Variants in CD63 observed in about 807,000 individuals in gnomAD.
CD63 encodes the protein CD63 antigen.
In CD63, 16 loss-of-function variants were observed where a neutral mutation model predicts 29.2. The observed-to-expected ratio is 0.55, with a 90% confidence interval of 0.37 to 0.83. CD63 has a LOEUF of 0.83. Ranked by LOEUF, CD63 falls within the 40% of genes least tolerant of loss-of-function variation. The pLI, the probability that CD63 is intolerant of heterozygous loss-of-function variation, is 0.00. For missense variants in CD63, 251 were observed against 297.3 expected, an observed-to-expected ratio of 0.84 and a Z score of 1.15; for synonymous variants, 118 against 111.7, an observed-to-expected ratio of 1.06 and a Z score of -0.36.
In CD63 at chr12:55,725,551, G is replaced by C. The variant is rs1225141989; in HGVS notation, c.*10C>G. 3 of 1,610,372 alleles carry C rather than the reference G, an allele frequency of 1.9e-6. No individual in the cohort carries two copies. Among genetic ancestry groups the C allele is most frequent in the Admixed American group, 3.3e-5 (2 of 60,014 alleles). On this transcript the variant is annotated 3_prime_UTR_variant, in exon 8 of 8. Coordinates refer to ENST00000257857, the MANE Select transcript of CD63 (RefSeq NM_001780.6). The stretch of plus-strand genomic sequence containing the variant: ...CTCCCCCAGATGAGGAGGCTGAGGA[G>C]ACCAGACCCCTACATCACCTCGTAG...
chr12:55,724,898 GT>G (rs1386020644), downstream of CD63, among the ~76,000 whole-genome samples: 1 of 152,282 alleles, frequency 6.6e-6, no homozygotes, highest in Non-Finnish European at 1.5e-5. Flanking sequence ...GGGGAGTAAG[GT>G]TGCAATTCAG....
intron 5 of CD63, 73 bp from the exon 6 acceptor site, chr12:55,726,334 C>CTTTTTTTTTTTTTTTTTTTTTTTTTT (rs777731653): frequency 4.5e-6 from 1 of 223,206 alleles, no homozygotes; most frequent in Non-Finnish European, 7.8e-6. Context: ...GATGAGAATT[C>CTTTTTTTTTTTTTTTTTTTTTTTTTT]TTTTTTTTTT....
chr12:55,723,916 C>G (rs13193), downstream of CD63: 84,468 of 1,613,962 alleles, frequency 0.052, 6,787 homozygotes, highest in African/African-American at 0.34. Flanking sequence ...GGATACGAGT[C>G]TCCATCGTGG....
chr12:55,726,602 T>C (rs1227030855), intron 5 of CD63, 98 bp downstream of exon 5: 12 of 992,040 alleles, frequency 1.2e-5, no homozygotes, highest in Non-Finnish European at 3.2e-6. Context: ...ACCTCGGCCT[T>C]CAAAAGTGCT....
At chr12:55,727,929 A>G (rs1380723130) in intron 2 of CD63, 9 of 1,165,600 alleles carry the variant, frequency 7.7e-6, no homozygotes, top group Admixed American at 4.3e-5. Flanking sequence ...TTGGGGAGGG[A>G]GAGAGGGGAG....
At position 55,725,527 on chromosome 12, in the gene CD63, T is replaced by G. The variant is rs1592527120; in HGVS notation, c.*34A>C. On this transcript the variant is annotated 3_prime_UTR_variant, in exon 8 of 8. Coordinates refer to ENST00000257857, the MANE Select transcript of CD63 (RefSeq NM_001780.6). ...AAAAACCTGGAGGATACTATTCCAC[T>G]CCCCCAGATGAGGAGGCTGAGGAGA... The G allele has an allele frequency of 2.0e-6, 3 of 1,534,708 alleles. No individual in the cohort carries two copies. Among genetic ancestry groups the G allele is most frequent in the South Asian group, 2.2e-5 (2 of 89,486 alleles).
Position 55,728,481 on chromosome 12 carries a change from G to A in CD63, c.-11-129C>T. ...CCCGGCCCCTCCCACCCGGAAACCC[G>A]CGGTCGGATCCACGTCTCCCAGCCC... On this transcript the variant is annotated intron_variant, in intron 1 of 7. Transcript: ENST00000257857. The surrounding 1 kb of genome is among the most constrained non-coding windows in gnomAD (Gnocchi z 4.8). 6.8e-7 allele frequency: 1 copy of A among 1,481,254 alleles called. No homozygotes were observed. Among genetic ancestry groups the A allele is most frequent in the Non-Finnish European group, 9.0e-7 (1 of 1,115,332 alleles). 91.8% of individuals were successfully genotyped at this position (1,481,254 alleles called of 1,614,324 possible).
chr12:55,725,857 C>T lies in CD63; in HGVS notation c.607G>A (p.Val203Met), dbSNP rs2136146809. 1.2e-6 allele frequency: 2 copies of T among 1,614,156 alleles called. No homozygotes were observed. Among genetic ancestry groups the T allele is most frequent in the South Asian group, 2.2e-5 (2 of 91,082 alleles). The change falls in exon 7 of 8, where the codon GTG becomes ATG. Residue 203 changes from valine to methionine, a missense_variant. Transcript: ENST00000257857. ...AGGGCTGCTGCAGCTACCACCAGCA[C>T]ATTTTTCCTCAGCCAGCCCCCAATC... ...EKIGGWLRKN[V>M]LVVAAAALGI...
upstream of CD63, chr12:55,730,019 A>G (rs2136158207): frequency 6.5e-6 from 1 of 152,712 alleles, no homozygotes. Context: ...TCACACCCCC[A>G]CACCTCCAGC....
In CD63 at chr12:55,728,758, CA is replaced by C. The variant is rs547401184; in HGVS notation, c.-12+194del. The C allele has an allele frequency of 0.11, 81,062 of 771,350 alleles. No individual in the cohort carries two copies. The highest frequency in any genetic ancestry group is 0.12 in the Non-Finnish European group (73,837 of 640,034). The allele number at this position is 771,350 out of a possible 1,614,324, so 47.8% of individuals were successfully genotyped here. ...CCTGGGCTCTGACCTCCCCGCCCAC[CA>C]AAAAAAAAAAAAGTGCAGCCAGCAC... On this transcript the variant is annotated intron_variant, in intron 1 of 7. Coordinates refer to ENST00000257857, the MANE Select transcript of CD63 (RefSeq NM_001780.6). The surrounding 1 kb of genome is among the most constrained non-coding windows in gnomAD (Gnocchi z 4.8).
Position 55,726,693 on chromosome 12 carries a change from C to G in CD63, c.426+7G>C. 2 of 1,609,952 alleles carry G rather than the reference C, an allele frequency of 1.2e-6. No individual in the cohort carries two copies. The highest frequency in any genetic ancestry group is 1.1e-5 in the South Asian group (1 of 90,984). ...CCACCACCCCTGCTCCCAGCAACCC[C>G]ACTCACATCTGCCTGCATCCTGTCC... On this transcript the variant is annotated splice_region_variant and intron_variant, in intron 5 of 7. Transcript: ENST00000257857.
downstream of CD63, chr12:55,723,977 A>C (rs1259253511): frequency 1.2e-6 from 2 of 1,613,828 alleles, no homozygotes; most frequent in East Asian, 2.2e-5. Context: ...TCTGGAGAAA[A>C]CCCTGCAGGC....
chr12:55,729,174 C>A (rs1592535316), upstream of CD63: 1 of 977,364 alleles, frequency 1.0e-6, no homozygotes, highest in South Asian at 4.7e-5. Flanking sequence ...GCCCCCCGCC[C>A]GGCCAGGGCC....
At chr12:55,726,430 C>T (rs1476883523) in intron 5 of CD63, 169 bp from the exon 6 acceptor site, 3 of 677,986 alleles carry the variant, frequency 4.4e-6, no homozygotes, top group East Asian at 2.7e-5. Context: ...CTGCAACCTC[C>T]GCCTCCCGGG....
chr12:55,726,018 G>C, intron 6 of CD63, 103 bp downstream of exon 6: 1 of 1,475,022 alleles, frequency 6.8e-7, no homozygotes, highest in Non-Finnish European at 9.4e-7. Context: ...AGCATTTCCA[G>C]ATCCCCTCCC....
Position 55,727,305 on chromosome 12 carries a change from C to G in CD63, c.101G>C (p.Gly34Ala). The change falls in exon 3 of 8, where the codon GGG becomes GCG. Residue 34 changes from glycine (G) to alanine (A), a missense_variant. Transcript: ENST00000257857. ...CAVGLIAVGV[G>A]AQLVLSQTII... ...GGTCTGACTCAGGACAAGCTGTGCC[C>G]CGACACCCACGGCAATCAGTCCCAC... The G allele has an allele frequency of 1.2e-6, 2 of 1,613,748 alleles. No individual in the cohort carries two copies. The highest frequency in any genetic ancestry group is 1.7e-6 in the Non-Finnish European group (2 of 1,179,966).
chr12:55,725,420 A>G lies in CD63; in HGVS notation c.*141T>C. 1.4e-6 allele frequency: 1 copy of G among 729,546 alleles called. No homozygotes were observed. Among genetic ancestry groups the G allele is most frequent in the Admixed American group, 2.1e-5 (1 of 46,826 alleles). The allele number at this position is 729,546 out of a possible 1,614,324, so 45.2% of individuals were successfully genotyped here. A position where few individuals can be genotyped will look rare whatever the true frequency, so the allele number is the denominator to read the frequency against. On this transcript the variant is annotated 3_prime_UTR_variant, in exon 8 of 8. Coordinates refer to ENST00000257857, the MANE Select transcript of CD63 (RefSeq NM_001780.6). ...GTCCCAGAGGACAGGGAACATCAGT[A>G]AGGAAAGGAAGGAATCAAGCATCAC...
downstream of CD63, chr12:55,724,208 T>A (rs1340540070): frequency 1.4e-6 from 2 of 1,453,828 alleles, no homozygotes; most frequent in East Asian, 4.8e-5. Flanking sequence ...ACCTGCCCAC[T>A]CCCCACACTG....
chr12:55,724,226 G>T, downstream of CD63: 1 of 1,489,852 alleles, frequency 6.7e-7, no homozygotes, highest in Admixed American at 1.8e-5. Flanking sequence ...CTGAGGAGGG[G>T]ACTGAGGGTG....
Sources: gnomAD v4.1 joint callset for allele counts (sites outside exome capture counted in the v4.1 genomes callset) on GRCh38, gnomAD v4.1.1 for gene constraint, Gnocchi (gnomAD v3.1) non-coding constraint, MANE v1.5 for transcripts, NCBI Gene and HGNC (gene_info 2026-07-23, HGNC 2026-07-21) for gene names.